Variants in LYPD6B observed in about 807,000 individuals in gnomAD.
LYPD6B encodes LY6/PLAUR domain containing 6B.
LYPD6B carries 17 observed loss-of-function variants against 22.8 expected under a neutral mutation model. That is an observed-to-expected ratio of 0.75 (90% CI 0.51 to 1.12). The LOEUF (loss-of-function observed/expected upper bound fraction) is 1.12, where lower values mean the gene tolerates loss of function less well. LYPD6B is among the 50% of genes most tolerant of loss of function. LYPD6B has a pLI of 0.00. For synonymous variants in LYPD6B, 106 were observed against 91.6 expected, an observed-to-expected ratio of 1.16 and a Z score of -0.90; for missense variants, 221 against 258.3, an observed-to-expected ratio of 0.86 and a Z score of 0.99.
chr2:149,172,828 G>A (rs1265538866), intron 3 of LYPD6B, among the ~76,000 whole-genome samples: 4 of 151,948 alleles, frequency 2.6e-5, no homozygotes, highest in Non-Finnish European at 2.9e-5. Context: ...TGGATGTTCT[G>A]CCTTCAGTGC....
At chr2:149,152,492 A>G (rs1689443320) in intron 2 of LYPD6B, among the ~76,000 whole-genome samples, 1 of 152,246 alleles carries the variant, frequency 6.6e-6, no homozygotes, top group South Asian at 2.1e-4. Flanking sequence ...AATGTAGCTC[A>G]CAAATCAACT....
chr2:149,159,811 A>C (rs1411141464), intron 2 of LYPD6B, among the ~76,000 whole-genome samples: 2 of 152,126 alleles, frequency 1.3e-5, no homozygotes, highest in Non-Finnish European at 2.9e-5. Flanking sequence ...GGGGGACCTC[A>C]GTCTTTTTTC....
intron 2 of LYPD6B, 165 bp downstream of exon 2, chr2:149,131,118 G>A (rs918498813): frequency 3.6e-6 from 2 of 549,612 alleles, no homozygotes; most frequent in Non-Finnish European, 6.4e-6. Flanking sequence ...TAAATAATGT[G>A]GTTTCAGTAT....
intron 1 of LYPD6B, among the ~76,000 whole-genome samples, chr2:149,080,116 C>A (rs1175408316): frequency 6.6e-6 from 1 of 152,194 alleles, no homozygotes; most frequent in Non-Finnish European, 1.5e-5. Flanking sequence ...TCTCACTGTT[C>A]TGGATGCTAG....
chr2:149,052,713 A>G (rs1683619273), intron 1 of LYPD6B, among the ~76,000 whole-genome samples: 1 of 152,224 alleles, frequency 6.6e-6, no homozygotes, highest in Non-Finnish European at 1.5e-5. Context: ...AATTTGCAGC[A>G]TGCCAAGTGG....
intron 2 of LYPD6B, among the ~76,000 whole-genome samples, chr2:149,135,931 C>A (rs1193129857): frequency 3.3e-5 from 5 of 151,964 alleles, no homozygotes; most frequent in Non-Finnish European, 7.4e-5. Flanking sequence ...GGGAGTGGTA[C>A]TCTTTCTTTG....
In LYPD6B at chr2:149,135,775, G is replaced by A. The variant is rs942344047; in HGVS notation, c.5+4822G>A. Among the ~76,000 whole-genome samples the A allele has an allele frequency of 8.6e-5, 13 of 150,456 alleles. No homozygotes were observed. The South Asian group carries it at 1.5e-3, about 17-fold the overall frequency. The stretch of plus-strand genomic sequence containing the variant: ...TGTTTTTTTCCAAACTATTTCTGTG[G>A]AGGTCTAAAATATTTTTAAAGAAAG... On this transcript the variant is annotated intron_variant, in intron 2 of 6. Transcript: ENST00000409642.
chr2:149,053,166 GTACA>G (rs1683640703), intron 1 of LYPD6B, among the ~76,000 whole-genome samples: 3 of 151,804 alleles, frequency 2.0e-5, no homozygotes, highest in East Asian at 1.9e-4. Context: ...CCTTTCATTC[GTACA>G]TACATACATA....
At chr2:149,052,622 C>T (rs994106725) in intron 1 of LYPD6B, among the ~76,000 whole-genome samples, 3 of 152,142 alleles carry the variant, frequency 2.0e-5, no homozygotes, top group Non-Finnish European at 4.4e-5. Context: ...AACCACAGCT[C>T]GGTGGGTGCA....
chr2:149,160,781 C>A lies in LYPD6B; in HGVS notation c.23C>A (p.Ala8Glu), dbSNP rs1232917114. The change falls in exon 3 of 7, where the codon GCA becomes GAA. Residue 8 changes from alanine (A) to glutamate (E), a missense_variant. Transcript: ENST00000409642. Reference sequence around the variant, plus strand: ...TCTGGTAGGCTGATTACTCTGAGTGCAAACCTTTTCACTGTTCCAGAGAGG... The same window carrying A: ...TCTGGTAGGCTGATTACTCTGAGTGAAAACCTTTTCACTGTTCCAGAGAGG... MLLITLS[A>E]NLFTVPERSL... 21 of 1,555,588 alleles carry A rather than the reference C, an allele frequency of 1.3e-5. No homozygotes were observed. In the Admixed American group the frequency reaches 4.1e-4, roughly 30 times the overall value.
At chr2:149,066,822 A>G (rs1684358625) in intron 1 of LYPD6B, among the ~76,000 whole-genome samples, 1 of 150,410 alleles carries the variant, frequency 6.6e-6, no homozygotes, top group Non-Finnish European at 1.5e-5. Context: ...GGTTTCTTTT[A>G]TTTTAGATTT....
At chr2:149,150,349 T>A (rs404542) in intron 2 of LYPD6B, among the ~76,000 whole-genome samples, 98,487 of 151,780 alleles carry the variant, frequency 0.65, 32,104 homozygotes, top group South Asian at 0.76. Flanking sequence ...GCACACCCTC[T>A]GATTTCTTCA....
At chr2:149,109,864 A>T (rs1486261243) in intron 1 of LYPD6B, among the ~76,000 whole-genome samples, 1 of 146,192 alleles carries the variant, frequency 6.8e-6, no homozygotes, top group African/African-American at 2.6e-5. Flanking sequence ...GCTGCATGCC[A>T]CCATGCCCAG....
chr2:149,049,557 T>G (rs1683458057), intron 1 of LYPD6B, among the ~76,000 whole-genome samples: 1 of 152,142 alleles, frequency 6.6e-6, no homozygotes, highest in Non-Finnish European at 1.5e-5. Context: ...TACCTCAGAG[T>G]GCTCTTGTGT....
intron 1 of LYPD6B, among the ~76,000 whole-genome samples, chr2:149,093,425 T>C (rs1685759435): frequency 6.6e-6 from 1 of 152,180 alleles, no homozygotes; most frequent in South Asian, 2.1e-4. Context: ...TTTCCATTAA[T>C]AAGACTGGGC....
At chr2:149,150,227 T>C (rs1689285599) in intron 2 of LYPD6B, among the ~76,000 whole-genome samples, 1 of 152,186 alleles carries the variant, frequency 6.6e-6, no homozygotes, top group South Asian at 2.1e-4. Flanking sequence ...TCTGTATGCT[T>C]GGTGTGGAGC....
In LYPD6B at chr2:149,167,530, G is replaced by A. The variant is rs564773449; in HGVS notation, c.77+6695G>A. Among the ~76,000 whole-genome samples, 31 of 152,284 alleles carry A rather than the reference G, an allele frequency of 2.0e-4. No homozygotes were observed. In the South Asian group the frequency reaches 2.3e-3, roughly 11 times the overall value. On this transcript the variant is annotated intron_variant, in intron 3 of 6. Transcript: ENST00000409642. Reference sequence around the variant, plus strand: ...CAGGAGAAGGATGTGAGTGTGGTACGTGTGTGGGGAGGTATAGATGAGAGA... The same window carrying A: ...CAGGAGAAGGATGTGAGTGTGGTACATGTGTGGGGAGGTATAGATGAGAGA...
chr2:149,197,178 T>C (rs1275282502), intron 3 of LYPD6B, among the ~76,000 whole-genome samples: 1 of 152,224 alleles, frequency 6.6e-6, no homozygotes, highest in Non-Finnish European at 1.5e-5. Flanking sequence ...CAGAAGGGTC[T>C]GTATAGAATT....
chr2:149,150,036 G>T (rs1480639550), intron 2 of LYPD6B, among the ~76,000 whole-genome samples: 1 of 152,124 alleles, frequency 6.6e-6, no homozygotes, highest in Non-Finnish European at 1.5e-5. Context: ...GGTAACAATT[G>T]ACATTATTAT....
Sources: gnomAD v4.1 joint callset for allele counts (sites outside exome capture counted in the v4.1 genomes callset) on GRCh38, gnomAD v4.1.1 for gene constraint, MANE v1.5 for transcripts, NCBI Gene and HGNC (gene_info 2026-07-23, HGNC 2026-07-21) for gene names.